The following RTF2 variants were observed in gnomAD, a reference collection of about 807,000 sequenced individuals.
RTF2 encodes replication termination factor 2, also known as UPF0549 protein C20orf43.
In RTF2, 18 loss-of-function variants were observed where a neutral mutation model predicts 38.0. That is an observed-to-expected ratio of 0.47 (90% CI 0.33 to 0.70). The LOEUF (loss-of-function observed/expected upper bound fraction) is 0.70. Among genes scored for constraint, RTF2 ranks in the 30% least tolerant of loss-of-function variants. The pLI, the probability that RTF2 is intolerant of heterozygous loss-of-function variation, is 0.02. For missense variants in RTF2, 311 were observed against 379.6 expected, an observed-to-expected ratio of 0.82 and a Z score of 1.50; for synonymous variants, 126 against 137.1, an observed-to-expected ratio of 0.92 and a Z score of 0.57.
At chr20:56,496,401 A>T (rs1365831699) in intron 5 of RTF2, among the ~76,000 whole-genome samples, 5 of 152,284 alleles carry the variant, frequency 3.3e-5, no homozygotes, top group South Asian at 2.1e-4. Context: ...TACAAAAATT[A>T]GCTGGGCATG....
chr20:56,512,901 C>T, intron 5 of RTF2, among the ~76,000 whole-genome samples: 1 of 152,138 alleles, frequency 6.6e-6, no homozygotes, highest in East Asian at 1.9e-4. Context: ...AGACTCAGTA[C>T]CCAGAGTTTT....
In RTF2 at chr20:56,513,200, T is replaced by C. The variant is rs1206803199; in HGVS notation, c.478-115T>C. 8.0e-6 allele frequency: 11 copies of C among 1,381,900 alleles called. No individual in the cohort carries two copies. The South Asian group carries it at 8.1e-5, about 10-fold the overall frequency. 85.6% of individuals were successfully genotyped at this position (1,381,900 alleles called of 1,614,324 possible). A position where few individuals can be genotyped will look rare whatever the true frequency, so the allele number is the denominator to read the frequency against. On this transcript the variant is annotated intron_variant, in intron 5 of 8. Coordinates refer to ENST00000357348, the MANE Select transcript of RTF2 (RefSeq NM_016407.5). The stretch of plus-strand genomic sequence containing the variant: ...AAGGCTTTGACCAGAAAGCCGGTAA[T>C]AGGAATTTACTCGGAGCCTGGGGGC...
Position 56,477,966 on chromosome 20 carries a change from G to A in RTF2, c.398+842G>A, listed in dbSNP as rs183237449. Among the ~76,000 whole-genome samples the A allele has an allele frequency of 2.5e-3, 375 of 152,338 alleles. 1 individual carries two copies. The highest frequency in any genetic ancestry group is 4.3e-3 in the Non-Finnish European group (294 of 68,040). The stretch of plus-strand genomic sequence containing the variant: ...TATGGTTGAGATGTGTGTAGCAAAT[G>A]TAAGCAACCTGTATATTTTCCTCTT... On this transcript the variant is annotated intron_variant, in intron 4 of 8. Transcript: ENST00000357348.
At chr20:56,490,753 A>G (rs971821918) in intron 5 of RTF2, among the ~76,000 whole-genome samples, 9 of 152,224 alleles carry the variant, frequency 5.9e-5, no homozygotes, top group Non-Finnish European at 1.3e-4. Flanking sequence ...GGAGGCAGAG[A>G]TTGCGGTGAG....
chr20:56,479,032 C>A (rs1446353943), intron 4 of RTF2, among the ~76,000 whole-genome samples: 1 of 152,152 alleles, frequency 6.6e-6, no homozygotes, highest in Non-Finnish European at 1.5e-5. Context: ...CGTGAGATTG[C>A]AGTAATTCAG....
chr20:56,496,472 C>T (rs1387200331), intron 5 of RTF2, among the ~76,000 whole-genome samples: 2 of 152,162 alleles, frequency 1.3e-5, no homozygotes, highest in East Asian at 1.9e-4. Context: ...CGCGTGAACC[C>T]GGGAGGTGGA....
chr20:56,489,197 A>G, intron 5 of RTF2, among the ~76,000 whole-genome samples: 1 of 148,922 alleles, frequency 6.7e-6, no homozygotes, highest in Non-Finnish European at 1.5e-5. Context: ...CTGGGACTAC[A>G]GGCGCCCACC....
chr20:56,472,856 T>G (rs1276913723), intron 1 of RTF2, among the ~76,000 whole-genome samples: 1 of 152,178 alleles, frequency 6.6e-6, no homozygotes, highest in Non-Finnish European at 1.5e-5. Flanking sequence ...AATCCTGACT[T>G]CAGCCAGGCA....
At chr20:56,505,343 C>T (rs1260310985) in intron 5 of RTF2, among the ~76,000 whole-genome samples, 1 of 151,768 alleles carries the variant, frequency 6.6e-6, no homozygotes, top group Non-Finnish European at 1.5e-5. Flanking sequence ...TAAAAATTAG[C>T]CGGATATGGT....
intron 2 of RTF2, 141 bp from the exon 3 acceptor site, chr20:56,474,537 G>C (rs1347220148): frequency 2.2e-5 from 12 of 537,756 alleles, no homozygotes; most frequent in Non-Finnish European, 3.3e-5. Context: ...GTTGAAACAG[G>C]GTTAAATTTA....
chr20:56,502,308 G>A (rs1019014196), intron 5 of RTF2, among the ~76,000 whole-genome samples: 1 of 152,196 alleles, frequency 6.6e-6, no homozygotes, highest in Non-Finnish European at 1.5e-5. Context: ...GTACTTCCAG[G>A]GAGTTGTTTC....
At chr20:56,514,978 C>G (rs1448992946) in intron 6 of RTF2, among the ~76,000 whole-genome samples, 1 of 148,458 alleles carries the variant, frequency 6.7e-6, no homozygotes, top group Non-Finnish European at 1.5e-5. Context: ...ACCCGGAAGG[C>G]GGAGGTTGCA....
At position 56,516,892 on chromosome 20, in the gene RTF2, G is replaced by A. The variant is rs751924997; in HGVS notation, c.592-43G>A. ...GCAGCCACACTGACGCTGAAGTGGAGTGAATCTGAGCACAGCCTCCAACAT... is the reference window on the plus strand; with the variant it reads ...GCAGCCACACTGACGCTGAAGTGGAATGAATCTGAGCACAGCCTCCAACAT... On this transcript the variant is annotated intron_variant, in intron 6 of 8. Transcript: ENST00000357348. 3 of 1,592,824 alleles carry A rather than the reference G, an allele frequency of 1.9e-6. No individual in the cohort carries two copies. The African/African-American group carries it at 4.0e-5, about 21-fold the overall frequency.
intron 1 of RTF2, chr20:56,471,078 G>A (rs936733159): frequency 2.1e-5 from 4 of 188,560 alleles, no homozygotes; most frequent in Admixed American, 5.2e-5. Context: ...ATCTAAAGTC[G>A]GGGTAGGGAC....
intron 5 of RTF2, among the ~76,000 whole-genome samples, chr20:56,508,840 C>A (rs1984452044): frequency 6.6e-6 from 1 of 152,158 alleles, no homozygotes; most frequent in South Asian, 2.1e-4. Context: ...TGAATTTGGA[C>A]CCTTACCTTA....
At chr20:56,496,415 G>A (rs1983537043) in intron 5 of RTF2, among the ~76,000 whole-genome samples, 1 of 152,168 alleles carries the variant, frequency 6.6e-6, no homozygotes, top group South Asian at 2.1e-4. Flanking sequence ...GGGCATGGTG[G>A]TGGGCGCCTG....
chr20:56,496,274 G>A (rs575812394), intron 5 of RTF2, among the ~76,000 whole-genome samples: 64 of 152,268 alleles, frequency 4.2e-4, no homozygotes, highest in African/African-American at 1.3e-3. Flanking sequence ...ATGGCCGGGC[G>A]TGGTGGCTCA....
chr20:56,483,023 T>C (rs989651608), intron 4 of RTF2, among the ~76,000 whole-genome samples: 23 of 152,218 alleles, frequency 1.5e-4, no homozygotes, highest in Non-Finnish European at 3.1e-4. Context: ...CTTGGACATA[T>C]TTTCACAACC....
At chr20:56,482,168 G>T (rs62210662) in intron 4 of RTF2, among the ~76,000 whole-genome samples, 1 of 152,226 alleles carries the variant, frequency 6.6e-6, no homozygotes, top group Non-Finnish European at 1.5e-5. Context: ...GGATTAGTTT[G>T]TGTATGGTCA....
Sources: gnomAD v4.1 joint callset for allele counts (sites outside exome capture counted in the v4.1 genomes callset) on GRCh38, gnomAD v4.1.1 for gene constraint, MANE v1.5 for transcripts, NCBI Gene and HGNC (gene_info 2026-07-23, HGNC 2026-07-21) for gene names.